The following APPL2 variants were observed in gnomAD, a reference collection of about 807,000 sequenced individuals.
APPL2 encodes the protein DCC-interacting protein 13-beta.
In APPL2, 84 loss-of-function variants were observed where a neutral mutation model predicts 92.7. That is an observed-to-expected ratio of 0.91 (90% CI 0.76 to 1.09). APPL2 has a LOEUF of 1.09. APPL2 is among the 50% of genes least tolerant of loss of function. The pLI, the probability that APPL2 is intolerant of heterozygous loss-of-function variation, is 0.00. For missense variants in APPL2, 736 were observed against 824.5 expected (o/e 0.89, Z 1.31); for synonymous variants, 291 against 291.0 (o/e 1.00, Z 0.00).
At chr12:105,186,667 T>TATGATATCGATATCATTATATC (rs1886707358) in intron 17 of APPL2, among the ~76,000 whole-genome samples, 2 of 33,124 alleles carry the variant, frequency 6.0e-5, no homozygotes, top group Non-Finnish European at 1.6e-4. Flanking sequence ...ATATATATCA[T>TATGATATCGATATCATTATATC]ATATATGATA....
In APPL2 at chr12:105,211,229, C is replaced by G; in HGVS notation, c.373+1G>C. 1 of 1,607,532 alleles carries G rather than the reference C, an allele frequency of 6.2e-7. No homozygotes were observed. The highest frequency in any genetic ancestry group is 2.2e-5 in the East Asian group (1 of 44,836). ...ACTGGCATTGAACTCAGTTACTTTA[C>G]CTGTGAGATCCTTTTCTCGGAATTG... On this transcript the variant is annotated splice_donor_variant, in intron 5 of 20. Coordinates refer to ENST00000258530, the MANE Select transcript of APPL2 (RefSeq NM_018171.5). LOFTEE classifies it high-confidence loss of function.
In APPL2 at chr12:105,199,674, T is replaced by A. The variant is rs147468961; in HGVS notation, c.705-143A>T. 345 of 825,834 alleles carry A rather than the reference T, an allele frequency of 4.2e-4. 1 individual carries two copies. The African/African-American group carries it at 5.3e-3, about 13-fold the overall frequency. 51.2% of individuals were successfully genotyped at this position (825,834 alleles called of 1,614,324 possible). ...CCAGCCTCCTACAGGGCCACAACCCTCTACCCTTAGGCCCTGAAAACTATG... is the reference window on the plus strand; with the variant it reads ...CCAGCCTCCTACAGGGCCACAACCCACTACCCTTAGGCCCTGAAAACTATG... On this transcript the variant is annotated intron_variant, in intron 9 of 20. Coordinates refer to ENST00000258530, the MANE Select transcript of APPL2 (RefSeq NM_018171.5).
chr12:105,211,294 CA>C lies in APPL2; in HGVS notation c.308del (p.Leu103ArgfsTer24). 1 of 1,613,558 alleles carries C rather than the reference CA, an allele frequency of 6.2e-7. No homozygotes were observed. Among genetic ancestry groups the C allele is most frequent in the South Asian group, 1.1e-5 (1 of 91,040 alleles). On this transcript the variant is annotated frameshift_variant, in exon 5 of 21. Coordinates refer to ENST00000258530, the MANE Select transcript of APPL2 (RefSeq NM_018171.5). LOFTEE classifies it high-confidence loss of function. ...VDELNLLHTE[L>X]AKQLADTMVL... The stretch of plus-strand genomic sequence containing the variant: ...CCATTGTGTCTGCCAACTGTTTAGC[CA>C]GCTCTGTATGGAGAAGATTAAGCTG...
At chr12:105,196,792 CTCA>C (rs1887689646) in intron 11 of APPL2, among the ~76,000 whole-genome samples, 2 of 152,180 alleles carry the variant, frequency 1.3e-5, no homozygotes, top group African/African-American at 4.8e-5. Flanking sequence ...CCTTGTTCCT[CTCA>C]TCTGTGGCAG....
At position 105,174,122 on chromosome 12, in the gene APPL2, G is replaced by C. The variant is rs1277057876; in HGVS notation, c.*192C>G. Reference sequence around the variant, plus strand: ...ACAAAGCACCTAAAATAACATTGTAGATGGGTGGGAACGCTGTCAACCATT... The same window carrying C: ...ACAAAGCACCTAAAATAACATTGTACATGGGTGGGAACGCTGTCAACCATT... On this transcript the variant is annotated 3_prime_UTR_variant, in exon 21 of 21. Transcript: ENST00000258530. 2 of 591,622 alleles carry C rather than the reference G, an allele frequency of 3.4e-6. No individual in the cohort carries two copies. The highest frequency in any genetic ancestry group is 3.8e-5 in the African/African-American group (2 of 52,092). The allele number at this position is 591,622 out of a possible 1,614,324, so 36.6% of individuals were successfully genotyped here.
chr12:105,191,239 C>G (rs1887167286), intron 14 of APPL2, among the ~76,000 whole-genome samples: 1 of 152,156 alleles, frequency 6.6e-6, no homozygotes. Flanking sequence ...CCATTGTTAA[C>G]AGAAAAGGAA....
Position 105,177,265 on chromosome 12 carries a change from G to A in APPL2, c.1635-3C>T. ...CTTGAGTCTGTGGATCTATCAACCT[G>A]AAATTTTAAAAGATACATTATGTCA... On this transcript the variant is annotated splice_region_variant and splice_polypyrimidine_tract_variant and intron_variant, in intron 17 of 20. Transcript: ENST00000258530. 6.2e-7 allele frequency: 1 copy of A among 1,613,262 alleles called. No homozygotes were observed. The highest frequency in any genetic ancestry group is 8.5e-7 in the Non-Finnish European group (1 of 1,179,256).
rs1477223667 is a variant in APPL2, at chr12:105,236,113, G to A, written c.-101C>T. On this transcript the variant is annotated 5_prime_UTR_variant, in exon 1 of 21. Transcript: ENST00000258530. The stretch of plus-strand genomic sequence containing the variant: ...GGCTCTGGGCTCAGGCGACGCGGCG[G>A]CCACTCCGTGCCCGCGGCGGCCCCG... 65 of 845,164 alleles carry A rather than the reference G, an allele frequency of 7.7e-5. No homozygotes were observed. The highest frequency in any genetic ancestry group is 9.5e-5 in the Non-Finnish European group (62 of 654,610). The allele number at this position is 845,164 out of a possible 1,614,324, so 52.4% of individuals were successfully genotyped here.
chr12:105,179,377 A>G (rs1885887011), intron 17 of APPL2, among the ~76,000 whole-genome samples: 2 of 152,166 alleles, frequency 1.3e-5, no homozygotes, highest in African/African-American at 4.8e-5. Flanking sequence ...TTCTTTATCC[A>G]GTCTATCATT....
In APPL2 at chr12:105,229,367, A is replaced by G. The variant is rs1592842452; in HGVS notation, c.55-144T>C. On this transcript the variant is annotated intron_variant, in intron 1 of 20. Transcript: ENST00000258530. ...GTTGGTTCCCTGGCTTCTTTTATTGATAGTACCAGTACCATTTGATTCCTG... is the reference window on the plus strand; with the variant it reads ...GTTGGTTCCCTGGCTTCTTTTATTGGTAGTACCAGTACCATTTGATTCCTG... 7 of 874,744 alleles carry G rather than the reference A, an allele frequency of 8.0e-6. No individual in the cohort carries two copies. The East Asian group carries it at 1.9e-4, about 24-fold the overall frequency. 54.2% of individuals were successfully genotyped at this position (874,744 alleles called of 1,614,324 possible).
At chr12:105,199,807 C>CA (rs1555252007) in intron 9 of APPL2, among the ~76,000 whole-genome samples, 1 of 151,266 alleles carries the variant, frequency 6.6e-6, no homozygotes, top group Non-Finnish European at 1.5e-5. Context: ...GCTACACAGT[C>CA]TTTTTTTTTG....
chr12:105,229,307 T>G, intron 1 of APPL2, 84 bp from the exon 2 acceptor site: 2 of 1,243,388 alleles, frequency 1.6e-6, no homozygotes, highest in South Asian at 2.8e-5. Flanking sequence ...CACCCGCACA[T>G]GCAGAAACCA....
At chr12:105,211,453 C>A in intron 4 of APPL2, 136 bp from the exon 5 acceptor site, 2 of 628,870 alleles carry the variant, frequency 3.2e-6, no homozygotes, top group East Asian at 2.8e-5. Flanking sequence ...CAAGTAAGTA[C>A]CCTTCATAAA....
chr12:105,188,347 T>C lies in APPL2; in HGVS notation c.1560A>G (p.Val520=), dbSNP rs1314063040. The stretch of plus-strand genomic sequence containing the variant: ...TGTTATGAATAGCCCGAGCAGCCAA[T>C]ACTTGTCTCATCGCTTCATAAATCA... The part of the protein sequence containing the change: ...TEVIYEAMRQ[V]LAARAIHNIF... Residue 520 remains valine (V), a synonymous_variant, in exon 17 of 21, where the codon GTA becomes GTG. Transcript: ENST00000258530. 1.2e-6 allele frequency: 2 copies of C among 1,614,240 alleles called. No individual in the cohort carries two copies. Among genetic ancestry groups the C allele is most frequent in the Admixed American group, 1.7e-5 (1 of 60,030 alleles).
At chr12:105,214,877 T>C (rs1889545526) in intron 4 of APPL2, among the ~76,000 whole-genome samples, 1 of 152,176 alleles carries the variant, frequency 6.6e-6, no homozygotes, top group South Asian at 2.1e-4. Context: ...TGATCACATC[T>C]ATGTGATGAA....
chr12:105,195,531 A>G (rs1206634677), intron 12 of APPL2, 30 bp from the exon 13 acceptor site: 10 of 1,614,194 alleles, frequency 6.2e-6, no homozygotes, highest in Non-Finnish European at 8.5e-6. Flanking sequence ...AGAACACTGA[A>G]TCCCAAAGTC....
At chr12:105,177,096 T>C (rs1166312032) in intron 18 of APPL2, 80 bp from the exon 19 acceptor site, 8 of 1,604,668 alleles carry the variant, frequency 5.0e-6, no homozygotes, top group East Asian at 2.2e-5. Flanking sequence ...GGAAAAGTCA[T>C]GAGAAAAAGT....
intron 17 of APPL2, among the ~76,000 whole-genome samples, chr12:105,186,757 G>A (rs947922339): frequency 6.9e-6 from 1 of 144,796 alleles, no homozygotes; most frequent in African/African-American, 2.6e-5. Context: ...AAACATCTGT[G>A]AGACAGTGTG....
At chr12:105,202,456 C>G (rs150360189) in intron 9 of APPL2, among the ~76,000 whole-genome samples, 2 of 152,268 alleles carry the variant, frequency 1.3e-5, no homozygotes, top group East Asian at 3.9e-4. Context: ...AGAAAATAAT[C>G]AGGTGTGTGA....
Sources: gnomAD v4.1 joint callset for allele counts (sites outside exome capture counted in the v4.1 genomes callset) on GRCh38, gnomAD v4.1.1 for gene constraint, MANE v1.5 for transcripts, NCBI Gene and HGNC (gene_info 2026-07-23, HGNC 2026-07-21) for gene names.